The following FRYL variants were observed in gnomAD, a reference collection of about 807,000 sequenced individuals.
The protein encoded by FRYL is FRY like transcription coactivator.
Under a neutral mutation model 351.2 loss-of-function variants are expected in FRYL, and 150 were observed. That is an observed-to-expected ratio of 0.43 (90% CI 0.37 to 0.49). The LOEUF (loss-of-function observed/expected upper bound fraction) is 0.49, where lower values mean the gene tolerates loss of function less well. Among genes scored for constraint, FRYL ranks in the 20% least tolerant of loss-of-function variants. The probability of loss-of-function intolerance (pLI) is 0.00; values close to 1 mark genes in which losing one functional copy is unlikely to be tolerated. For missense variants in FRYL, 3,036 were observed against 3,619.3 expected, an observed-to-expected ratio of 0.84 and a Z score of 4.13; for synonymous variants, 1,153 against 1,257.1, an observed-to-expected ratio of 0.92 and a Z score of 1.75.
intron 27 of FRYL, among the ~76,000 whole-genome samples, chr4:48,570,487 A>T (rs1738043516): frequency 6.6e-6 from 1 of 152,214 alleles, no homozygotes; most frequent in African/African-American, 2.4e-5. Flanking sequence ...CTTTAAAATG[A>T]GGTAAGAAAA....
intron 1 of FRYL, among the ~76,000 whole-genome samples, chr4:48,730,705 C>T (rs2149625613): frequency 6.6e-6 from 1 of 152,300 alleles, no homozygotes; most frequent in East Asian, 1.9e-4. Context: ...ACCACCAAGC[C>T]TGCCTTACAA....
chr4:48,543,482 T>G (rs1020955505), intron 44 of FRYL, among the ~76,000 whole-genome samples: 2 of 152,184 alleles, frequency 1.3e-5, no homozygotes, highest in African/African-American at 4.8e-5. Context: ...AGCATAAAAT[T>G]CAATGCTCCA....
intron 3 of FRYL, among the ~76,000 whole-genome samples, chr4:48,678,830 C>T (rs926705687): frequency 6.6e-6 from 1 of 151,676 alleles, no homozygotes; most frequent in Non-Finnish European, 1.5e-5. Flanking sequence ...AACATATATA[C>T]CATAGGAAAT....
At chr4:48,750,031 G>A (rs2149663515) in intron 1 of FRYL, among the ~76,000 whole-genome samples, 1 of 151,816 alleles carries the variant, frequency 6.6e-6, no homozygotes, top group South Asian at 2.1e-4. Context: ...CTACTCAGGA[G>A]GCTGAGGCAG....
intron 11 of FRYL, among the ~76,000 whole-genome samples, chr4:48,604,801 A>G (rs911775390): frequency 3.3e-5 from 5 of 152,240 alleles, no homozygotes; most frequent in African/African-American, 1.2e-4. Flanking sequence ...CAAATATGGT[A>G]TAAAAGAATC....
At chr4:48,703,673 A>G (rs1417746949) in intron 2 of FRYL, among the ~76,000 whole-genome samples, 1 of 152,114 alleles carries the variant, frequency 6.6e-6, no homozygotes, top group East Asian at 1.9e-4. Flanking sequence ...GCAACTCACA[A>G]CCTCTCCAAT....
intron 1 of FRYL, among the ~76,000 whole-genome samples, chr4:48,726,660 C>T (rs1359236944): frequency 2.6e-5 from 4 of 152,114 alleles, no homozygotes; most frequent in Admixed American, 6.6e-5. Context: ...CCAGTCTGGG[C>T]GACAGAGCGA....
intron 1 of FRYL, among the ~76,000 whole-genome samples, chr4:48,716,785 G>A (rs1342508004): frequency 6.6e-6 from 1 of 151,480 alleles, no homozygotes; most frequent in Non-Finnish European, 1.5e-5. Context: ...TATACCCAAA[G>A]GACTATAAAT....
chr4:48,668,587 T>C (rs1320854185), intron 3 of FRYL, among the ~76,000 whole-genome samples: 1 of 152,164 alleles, frequency 6.6e-6, no homozygotes, highest in Non-Finnish European at 1.5e-5. Context: ...TTAACAAAGG[T>C]TTACTAACTG....
At chr4:48,550,398 C>A in intron 38 of FRYL, 194 bp downstream of exon 38, 2 of 546,164 alleles carry the variant, frequency 3.7e-6, no homozygotes, top group East Asian at 2.9e-5. Flanking sequence ...GAAACCAGTG[C>A]TTTAAAAAAA....
At chr4:48,734,818 T>C (rs1206546512) in intron 1 of FRYL, among the ~76,000 whole-genome samples, 5 of 152,136 alleles carry the variant, frequency 3.3e-5, no homozygotes, top group African/African-American at 9.7e-5. Flanking sequence ...CCATTGCTTG[T>C]TTTTCTCAGG....
intron 3 of FRYL, among the ~76,000 whole-genome samples, chr4:48,641,742 A>G (rs750543452): frequency 2.0e-5 from 3 of 152,198 alleles, no homozygotes; most frequent in Non-Finnish European, 2.9e-5. Flanking sequence ...TAATTACCAA[A>G]TGCGGATGGA....
At chr4:48,562,255 A>G (rs917503698) in intron 32 of FRYL, among the ~76,000 whole-genome samples, 3 of 152,104 alleles carry the variant, frequency 2.0e-5, no homozygotes, top group Admixed American at 6.5e-5. Flanking sequence ...TACACTATTT[A>G]AAGAGCTGTA....
chr4:48,685,658 A>ATGGTTAC (rs1463449062), intron 2 of FRYL, among the ~76,000 whole-genome samples: 3 of 152,126 alleles, frequency 2.0e-5, no homozygotes, highest in Non-Finnish European at 1.5e-5. Context: ...TAATACTTGG[A>ATGGTTAC]TGGTTACTAA....
At chr4:48,651,051 C>T (rs1757520036) in intron 3 of FRYL, among the ~76,000 whole-genome samples, 1 of 152,088 alleles carries the variant, frequency 6.6e-6, no homozygotes, top group South Asian at 2.1e-4. Context: ...AAATCCCTTT[C>T]CCTCTTAAGT....
chr4:48,535,397 C>T (rs1728647494), intron 48 of FRYL, among the ~76,000 whole-genome samples: 1 of 151,762 alleles, frequency 6.6e-6, no homozygotes, highest in African/African-American at 2.4e-5. Context: ...AAAAAAAACC[C>T]ACCTTTATAA....
chr4:48,728,270 A>AT (rs1553874791), intron 1 of FRYL, among the ~76,000 whole-genome samples: 2 of 152,154 alleles, frequency 1.3e-5, no homozygotes, highest in Non-Finnish European at 2.9e-5. Context: ...CATAGCAAAA[A>AT]ATATATATAT....
intron 3 of FRYL, among the ~76,000 whole-genome samples, chr4:48,658,496 G>A (rs991636913): frequency 1.3e-5 from 2 of 151,284 alleles, no homozygotes; most frequent in African/African-American, 4.9e-5. Context: ...CCAACACTCT[G>A]GGGGGCCCAG....
intron 7 of FRYL, among the ~76,000 whole-genome samples, chr4:48,613,158 G>A (rs1748601697): frequency 6.6e-6 from 1 of 152,142 alleles, no homozygotes; most frequent in Middle Eastern, 3.2e-3. Flanking sequence ...TATACACATA[G>A]CTTGAAGGTA....
Sources: allele counts gnomAD v4.1 joint callset (sites outside exome capture counted in the v4.1 genomes callset), GRCh38; gene constraint gnomAD v4.1.1; transcripts MANE v1.5; gene names NCBI Gene and HGNC (gene_info 2026-07-23, HGNC 2026-07-21).